The following STOX1 variants were observed in gnomAD, a reference collection of about 807,000 sequenced individuals.
The protein encoded by STOX1 is storkhead-box protein 1.
STOX1 carries 57 observed loss-of-function variants against 74.8 expected under a neutral mutation model. The observed-to-expected ratio is 0.76, with a 90% CI of 0.62 to 0.95. STOX1 has a LOEUF of 0.95. STOX1 is among the 40% of genes least tolerant of loss of function. The pLI is 0.00. For missense variants in STOX1, 1,010 were observed against 1,117.0 expected, an observed-to-expected ratio of 0.90 and a Z score of 1.37; for synonymous variants, 375 against 401.3, an observed-to-expected ratio of 0.93 and a Z score of 0.78.
intron 1 of STOX1, among the ~76,000 whole-genome samples, chr10:68,866,245 G>A (rs1268169993): frequency 6.6e-6 from 1 of 152,104 alleles, no homozygotes; most frequent in Non-Finnish European, 1.5e-5. Context: ...TAACTACTTT[G>A]ATATACTTCA....
At chr10:68,887,173 T>C (rs1416877513) in intron 3 of STOX1, among the ~76,000 whole-genome samples, 1 of 152,224 alleles carries the variant, frequency 6.6e-6, no homozygotes, top group Non-Finnish European at 1.5e-5. Flanking sequence ...TTCAATTATT[T>C]CTAAAAATAG....
In STOX1 at chr10:68,827,614, C is replaced by G. The variant is rs1839290617; in HGVS notation, c.-10C>G. The G allele has an allele frequency of 5.2e-6, 6 of 1,146,154 alleles. No homozygotes were observed. The highest frequency in any genetic ancestry group is 4.1e-5 in the South Asian group (1 of 24,682). The allele number at this position is 1,146,154 out of a possible 1,614,324, so 71.0% of individuals were successfully genotyped here. A position where few individuals can be genotyped will look rare whatever the true frequency, so the allele number is the denominator to read the frequency against. ...CCCTGCGTTGCGGGCTCCCGGCCGC[C>G]GGCGAAAGCATGGCCCGGCCCGTGC... On this transcript the variant is annotated 5_prime_UTR_variant, in exon 1 of 4. Transcript: ENST00000298596.
At chr10:68,843,811 C>T (rs1315764085) in intron 1 of STOX1, among the ~76,000 whole-genome samples, 1 of 152,062 alleles carries the variant, frequency 6.6e-6, no homozygotes, top group Non-Finnish European at 1.5e-5. Context: ...CCAACCACCT[C>T]AGCATCCCAA....
In STOX1 at chr10:68,837,828, T is replaced by C. The variant is rs147763207; in HGVS notation, c.310+9895T>C. Among the ~76,000 whole-genome samples the C allele has an allele frequency of 3.3e-3, 508 of 152,328 alleles. 4 individuals carry two copies. The highest frequency in any genetic ancestry group is 0.012 in the African/African-American group (489 of 41,586). On this transcript the variant is annotated intron_variant, in intron 1 of 3. Coordinates refer to ENST00000298596, the MANE Select transcript of STOX1 (RefSeq NM_152709.5). ...TAGGTATTCTGCCTGCCCTTTTTAC[T>C]GCACAGATTTGGCATCGGACTCCAA...
At chr10:68,873,411 C>CCGTG (rs1279488184) in intron 1 of STOX1, among the ~76,000 whole-genome samples, 3 of 151,842 alleles carry the variant, frequency 2.0e-5, no homozygotes, top group Non-Finnish European at 4.4e-5. Flanking sequence ...CAGGCGGCCG[C>CCGTG]CACCACGCCC....
intron 1 of STOX1, among the ~76,000 whole-genome samples, chr10:68,838,221 C>T (rs1378568489): frequency 2.0e-5 from 3 of 151,958 alleles, no homozygotes; most frequent in Non-Finnish European, 4.4e-5. Context: ...CAGGTGCTAC[C>T]ACACCCAGCT....
chr10:68,864,203 C>G (rs146463378), intron 1 of STOX1, among the ~76,000 whole-genome samples: 1 of 152,134 alleles, frequency 6.6e-6, no homozygotes, highest in Non-Finnish European at 1.5e-5. Context: ...GGATTACAGG[C>G]GTGAGCCACC....
chr10:68,853,784 C>T (rs1840051177), intron 1 of STOX1, among the ~76,000 whole-genome samples: 1 of 151,596 alleles, frequency 6.6e-6, no homozygotes, highest in African/African-American at 2.4e-5. Context: ...CTCCTGGGTT[C>T]AAGTGATTCT....
intron 2 of STOX1, among the ~76,000 whole-genome samples, chr10:68,883,449 G>T (rs1026620318): frequency 3.9e-5 from 6 of 152,046 alleles, no homozygotes; most frequent in African/African-American, 1.5e-4. Flanking sequence ...GTCTCACTCT[G>T]TTGCCCAAGT....
intron 1 of STOX1, among the ~76,000 whole-genome samples, chr10:68,834,809 A>G (rs983590786): frequency 4.8e-5 from 7 of 146,366 alleles, no homozygotes; most frequent in African/African-American, 1.0e-4. Flanking sequence ...ACTGCAACCT[A>G]TGCCTCCCGG....
intron 1 of STOX1, among the ~76,000 whole-genome samples, chr10:68,833,544 A>G (rs2133487470): frequency 1.3e-5 from 2 of 152,226 alleles, no homozygotes; most frequent in East Asian, 3.9e-4. Context: ...TGATCAATTG[A>G]ACAAGCAGGG....
At chr10:68,879,326 A>C (rs1158984138) in intron 1 of STOX1, among the ~76,000 whole-genome samples, 1 of 152,094 alleles carries the variant, frequency 6.6e-6, no homozygotes, top group East Asian at 1.9e-4. Context: ...CTAACTTGAC[A>C]GAAGTCAGAT....
At position 68,885,315 on chromosome 10, in the gene STOX1, A is replaced by AT. The variant is rs766875310; in HGVS notation, c.1520dup (p.Ser508IlefsTer11). The AT allele has an allele frequency of 1.0e-4, 167 of 1,614,226 alleles. No homozygotes were observed. Among genetic ancestry groups the AT allele is most frequent in the Non-Finnish European group, 1.4e-4 (165 of 1,180,036 alleles). ...GGGTTTGTCTCACCGAGGAAGCACA[A>AT]TATCCAAAGGGCACAAAATTCAGAA... On this transcript the variant is annotated frameshift_variant, in exon 3 of 4. Coordinates refer to ENST00000298596, the MANE Select transcript of STOX1 (RefSeq NM_152709.5). LOFTEE classifies it high-confidence loss of function.
chr10:68,871,750 C>T (rs2131977541), intron 1 of STOX1, among the ~76,000 whole-genome samples: 1 of 152,274 alleles, frequency 6.6e-6, no homozygotes, highest in East Asian at 1.9e-4. Context: ...TGGAACCTTT[C>T]TTCTTATTGT....
chr10:68,848,754 TC>T (rs1270161125), intron 1 of STOX1, among the ~76,000 whole-genome samples: 3 of 152,116 alleles, frequency 2.0e-5, no homozygotes, highest in Admixed American at 1.3e-4. Context: ...AACCTCAAGT[TC>T]CTAGGCACGT....
intron 1 of STOX1, among the ~76,000 whole-genome samples, chr10:68,852,328 G>A (rs1378900927): frequency 3.0e-5 from 4 of 132,458 alleles, no homozygotes; most frequent in Admixed American, 8.7e-5. Flanking sequence ...GCGCAATCTC[G>A]GCTCACTGCA....
At chr10:68,864,322 C>T (rs747991439) in intron 1 of STOX1, among the ~76,000 whole-genome samples, 5 of 152,196 alleles carry the variant, frequency 3.3e-5, no homozygotes, top group Non-Finnish European at 5.9e-5. Context: ...TCTGTGAAGA[C>T]ATTCTCAGCA....
intron 1 of STOX1, among the ~76,000 whole-genome samples, chr10:68,880,235 T>G (rs936661079): frequency 9.3e-5 from 14 of 149,888 alleles, no homozygotes; most frequent in Admixed American, 2.7e-4. Flanking sequence ...TACGCAGGAG[T>G]GCAATGGTGC....
chr10:68,852,221 T>C (rs2133538929), intron 1 of STOX1, among the ~76,000 whole-genome samples: 1 of 151,874 alleles, frequency 6.6e-6, no homozygotes, highest in Non-Finnish European at 1.5e-5. Context: ...GTGATTTGCC[T>C]GTATGAGTTT....
Sources: allele counts gnomAD v4.1 joint callset (sites outside exome capture counted in the v4.1 genomes callset), GRCh38; gene constraint gnomAD v4.1.1; transcripts MANE v1.5; gene names NCBI Gene and HGNC (gene_info 2026-07-23, HGNC 2026-07-21).